Variants in LRP1B observed in about 807,000 individuals in gnomAD.
The protein encoded by LRP1B is low-density lipoprotein receptor-related protein 1B.
In LRP1B, 217 loss-of-function variants were observed where a neutral mutation model predicts 556.6. The observed-to-expected ratio is 0.39, with a 90% confidence interval of 0.35 to 0.44. LRP1B has a LOEUF of 0.44. Among genes scored for constraint, LRP1B ranks in the 20% least tolerant of loss-of-function variants. The pLI is 1.00. For synonymous variants in LRP1B, 2,047 were observed against 1,865.8 expected (o/e 1.10, Z -2.50); for missense variants, 5,053 against 5,620.8 (o/e 0.90, Z 3.23).
chr2:141,460,425 C>G (rs1230592956), intron 3 of LRP1B, among the ~76,000 whole-genome samples: 1 of 152,046 alleles, frequency 6.6e-6, no homozygotes, highest in Non-Finnish European at 1.5e-5. Flanking sequence ...GGCTGAGAAA[C>G]AGTAATTGGA....
intron 2 of LRP1B, among the ~76,000 whole-genome samples, chr2:141,808,904 T>C (rs1343655261): frequency 3.3e-5 from 5 of 152,144 alleles, no homozygotes; most frequent in African/African-American, 1.2e-4. Flanking sequence ...GGTTCATCCA[T>C]GTTGTAGCAT....
At chr2:140,948,419 G>A (rs978876358) in intron 20 of LRP1B, among the ~76,000 whole-genome samples, 3 of 152,034 alleles carry the variant, frequency 2.0e-5, no homozygotes, top group Non-Finnish European at 2.9e-5. Flanking sequence ...TTAATGATAG[G>A]CAAAAAGTTC....
intron 7 of LRP1B, among the ~76,000 whole-genome samples, chr2:141,096,284 C>G (rs2104924298): frequency 6.6e-6 from 1 of 151,974 alleles, no homozygotes; most frequent in Non-Finnish European, 1.5e-5. Context: ...TTTCAAAAAC[C>G]TTTTATTAAC....
intron 86 of LRP1B, among the ~76,000 whole-genome samples, chr2:140,265,315 A>G (rs1026399230): frequency 1.3e-5 from 2 of 152,118 alleles, no homozygotes; most frequent in Admixed American, 6.6e-5. Context: ...ATATTATTCA[A>G]TGTATCTACT....
chr2:141,190,227 T>C (rs1217070231), intron 6 of LRP1B, among the ~76,000 whole-genome samples: 1 of 151,976 alleles, frequency 6.6e-6, no homozygotes, highest in African/African-American at 2.4e-5. Context: ...ATCTGGTCTT[T>C]TTTGGAGTCG....
chr2:140,549,256 G>A (rs1383315317), intron 43 of LRP1B, among the ~76,000 whole-genome samples: 1 of 152,112 alleles, frequency 6.6e-6, no homozygotes, highest in African/African-American at 2.4e-5. Flanking sequence ...TGCTGATTCA[G>A]GGACTCACTT....
intron 35 of LRP1B, among the ~76,000 whole-genome samples, chr2:140,759,190 C>A (rs540986464): frequency 7.9e-5 from 12 of 151,714 alleles, no homozygotes; most frequent in Non-Finnish European, 1.5e-4. Flanking sequence ...TAAAAAATAG[C>A]CTATAGGTTG....
chr2:140,253,811 T>C (rs1477050891), intron 86 of LRP1B, among the ~76,000 whole-genome samples: 1 of 152,100 alleles, frequency 6.6e-6, no homozygotes. Context: ...ATATGGTGGA[T>C]GTAATTGAAG....
Position 140,291,010 on chromosome 2 carries a change from G to C in LRP1B, c.12967+6798C>G, listed in dbSNP as rs1033909991. The stretch of plus-strand genomic sequence containing the variant: ...TGGACTAATAGTATTAATCTCAAAG[G>C]GTTGTGTGAACATTTGTTGAAAGGA... On this transcript the variant is annotated intron_variant, in intron 84 of 90. Transcript: ENST00000389484. Among the ~76,000 whole-genome samples, 4 of 151,768 alleles carry C rather than the reference G, an allele frequency of 2.6e-5. No homozygotes were observed. In the South Asian group the frequency reaches 8.3e-4, roughly 32 times the overall value.
At chr2:140,769,368 G>T (rs778521542) in intron 34 of LRP1B, 24 bp from the exon 35 acceptor site, 20 of 1,571,110 alleles carry the variant, frequency 1.3e-5, no homozygotes, top group Admixed American at 3.8e-5. Flanking sequence ...CGGAGATAAG[G>T]GGGGGAAGGG....
chr2:140,676,747 T>C (rs16844475), intron 41 of LRP1B, among the ~76,000 whole-genome samples: 4,718 of 152,276 alleles, frequency 0.031, 218 homozygotes, highest in African/African-American at 0.097. Flanking sequence ...TATCCATCAA[T>C]AAATGACTTA....
intron 14 of LRP1B, among the ~76,000 whole-genome samples, chr2:141,012,410 C>T (rs1697780540): frequency 6.6e-6 from 1 of 151,968 alleles, no homozygotes. Context: ...TGGGCTCTTG[C>T]TCAGTATAGG....
intron 15 of LRP1B, among the ~76,000 whole-genome samples, chr2:141,002,092 A>T (rs1305144510): frequency 6.6e-6 from 1 of 152,076 alleles, no homozygotes; most frequent in Non-Finnish European, 1.5e-5. Flanking sequence ...TAAACAATAA[A>T]ATAAGAATTA....
At chr2:141,905,054 C>T (rs769048524) in intron 1 of LRP1B, among the ~76,000 whole-genome samples, 2 of 151,704 alleles carry the variant, frequency 1.3e-5, no homozygotes, top group Non-Finnish European at 2.9e-5. Flanking sequence ...ACGGCTAATT[C>T]GGAGATCAGA....
intron 2 of LRP1B, among the ~76,000 whole-genome samples, chr2:141,717,503 A>G (rs1302827476): frequency 1.3e-5 from 2 of 152,182 alleles, no homozygotes; most frequent in Admixed American, 1.3e-4. Flanking sequence ...TTGGCTTGCC[A>G]ATATAACTCA....
intron 90 of LRP1B, among the ~76,000 whole-genome samples, chr2:140,234,025 G>T (rs148142682): frequency 9.9e-5 from 15 of 151,392 alleles, no homozygotes; most frequent in African/African-American, 3.4e-4. Context: ...TTAACAAATT[G>T]CAGTTTATCC....
intron 6 of LRP1B, among the ~76,000 whole-genome samples, chr2:141,205,366 G>T (rs113369377): frequency 4.6e-5 from 7 of 152,282 alleles, no homozygotes; most frequent in African/African-American, 1.7e-4. Context: ...ATGTAATTCT[G>T]TGTGCATATC....
intron 3 of LRP1B, among the ~76,000 whole-genome samples, chr2:141,464,717 C>T (rs1215942769): frequency 6.6e-6 from 1 of 150,422 alleles, no homozygotes; most frequent in African/African-American, 2.5e-5. Context: ...CAGGCACGAG[C>T]CCCTGCGCCC....
chr2:140,651,646 T>C (rs1322875759), intron 41 of LRP1B, among the ~76,000 whole-genome samples: 1 of 151,994 alleles, frequency 6.6e-6, no homozygotes, highest in African/African-American at 2.4e-5. Context: ...TCAGTGTATA[T>C]TTCACAAAAC....
Sources: allele counts gnomAD v4.1 joint callset (sites outside exome capture counted in the v4.1 genomes callset), GRCh38; gene constraint gnomAD v4.1.1; transcripts MANE v1.5; gene names NCBI Gene and HGNC (gene_info 2026-07-23, HGNC 2026-07-21).